The following PLA2G2C variants were observed in gnomAD, a reference collection of about 807,000 sequenced individuals.
The protein encoded by PLA2G2C is phospholipase A2 group IIC.
A neutral mutation model predicts 14.3 loss-of-function variants in PLA2G2C; 15 were observed. The ratio of observed to expected loss-of-function variants is 1.05; its 90% CI spans 0.70 to 1.62. The LOEUF (loss-of-function observed/expected upper bound fraction) is 1.62. PLA2G2C is among the 40% of genes most tolerant of loss of function. PLA2G2C has a pLI of 0.00. For missense variants in PLA2G2C, 162 were observed against 173.2 expected (o/e 0.94, Z 0.36); for synonymous variants, 79 against 67.7 (o/e 1.17, Z -0.82).
At chr1:20,184,437 C>A (rs1457435528) in intron 1 of PLA2G2C, 1 of 152,292 alleles carries the variant, frequency 6.6e-6, no homozygotes, top group Non-Finnish European at 1.5e-5. Flanking sequence ...CCATCTTTTA[C>A]ACATTCCGAG....
chr1:20,175,910 CTTT>C (rs1245322352), intron 2 of PLA2G2C, among the ~76,000 whole-genome samples: 6 of 139,856 alleles, frequency 4.3e-5, no homozygotes, highest in Non-Finnish European at 1.6e-5. Flanking sequence ...CCCTTTCCTT[CTTT>C]TTTTTTTTTT....
chr1:20,178,508 T>C (rs746201990), intron 1 of PLA2G2C, among the ~76,000 whole-genome samples: 16 of 152,226 alleles, frequency 1.1e-4, no homozygotes, highest in Non-Finnish European at 1.6e-4. Flanking sequence ...TTCTGGTGGA[T>C]GCTGCGAGGT....
At chr1:20,171,331 C>A (rs1006480357) in intron 4 of PLA2G2C, among the ~76,000 whole-genome samples, 1 of 152,186 alleles carries the variant, frequency 6.6e-6, no homozygotes, top group Non-Finnish European at 1.5e-5. Context: ...CTTGAGCTCA[C>A]GTGGGGAACA....
intron 3 of PLA2G2C, among the ~76,000 whole-genome samples, chr1:20,174,696 G>A (rs2018147769): frequency 1.3e-5 from 2 of 152,212 alleles, no homozygotes; most frequent in South Asian, 4.1e-4. Context: ...CAGCAGAGCA[G>A]TAAACCATGT....
intron 4 of PLA2G2C, among the ~76,000 whole-genome samples, chr1:20,167,909 T>C (rs2018004442): frequency 6.6e-6 from 1 of 152,266 alleles, no homozygotes; most frequent in Admixed American, 6.5e-5. Flanking sequence ...CCTGTCGCTT[T>C]GTCTGAGGTG....
intron 1 of PLA2G2C, among the ~76,000 whole-genome samples, chr1:20,185,855 A>G (rs1432410095): frequency 6.6e-6 from 1 of 152,144 alleles, no homozygotes. Context: ...TCTCCCCCAG[A>G]GAGAAACAGA....
At chr1:20,184,262 T>C (rs12141258) in intron 1 of PLA2G2C, 45,167 of 151,984 alleles carry the variant, frequency 0.3, 7,767 homozygotes, top group African/African-American at 0.47. Context: ...CAAAGGATTG[T>C]ATAATTCTTA....
chr1:20,184,142 T>G (rs2018321939), intron 1 of PLA2G2C: 1 of 151,988 alleles, frequency 6.6e-6, no homozygotes, highest in South Asian at 2.1e-4. Flanking sequence ...CTGCTGACAT[T>G]AAACAGACCG....
chr1:20,177,951 G>T (rs1399916057), intron 1 of PLA2G2C, among the ~76,000 whole-genome samples: 1 of 152,132 alleles, frequency 6.6e-6, no homozygotes, highest in Non-Finnish European at 1.5e-5. Flanking sequence ...GGGCTTCACA[G>T]GTATTACATG....
intron 2 of PLA2G2C, among the ~76,000 whole-genome samples, chr1:20,176,992 T>A (rs190833954): frequency 1.3e-5 from 2 of 152,286 alleles, no homozygotes; most frequent in East Asian, 3.9e-4. Flanking sequence ...TTGTTCTGAA[T>A]CCAAATGGCC....
chr1:20,171,448 C>T (rs896136855), intron 4 of PLA2G2C, among the ~76,000 whole-genome samples: 27 of 152,178 alleles, frequency 1.8e-4, no homozygotes, highest in Non-Finnish European at 3.7e-4. Context: ...CCAACCCACA[C>T]AGCTGGTGCC....
intron 4 of PLA2G2C, among the ~76,000 whole-genome samples, chr1:20,170,664 G>T (rs1365306679): frequency 6.6e-6 from 1 of 152,154 alleles, no homozygotes; most frequent in African/African-American, 2.4e-5. Context: ...GATGACAGGG[G>T]CTGGCCTGGT....
intron 4 of PLA2G2C, among the ~76,000 whole-genome samples, chr1:20,170,476 C>A (rs1315980568): frequency 6.6e-6 from 1 of 152,186 alleles, no homozygotes; most frequent in African/African-American, 2.4e-5. Flanking sequence ...TGCCCCTGGC[C>A]CCTGGCACAG....
At position 20,163,961 on chromosome 1, in the gene PLA2G2C, C is replaced by A; in HGVS notation, c.*30G>T. ...TGGAAGAGCAACACTAGAGCGGATG[C>A]TGGATGATGAGAGGGACCCTGTGGT... On this transcript the variant is annotated 3_prime_UTR_variant, in exon 5 of 5. Coordinates refer to ENST00000679259, the MANE Select transcript of PLA2G2C (RefSeq NM_001367969.2). The A allele has an allele frequency of 6.3e-7, 1 of 1,598,874 alleles. No individual in the cohort carries two copies. The highest frequency in any genetic ancestry group is 8.5e-7 in the Non-Finnish European group (1 of 1,172,366).
In PLA2G2C at chr1:20,177,339, G is replaced by C. The variant is rs755314439; in HGVS notation, c.25C>G (p.Leu9Val). 11 of 700,860 alleles carry C rather than the reference G, an allele frequency of 1.6e-5. No homozygotes were observed. Among genetic ancestry groups the C allele is most frequent in the South Asian group, 1.3e-4 (9 of 67,446 alleles). 43.4% of individuals were successfully genotyped at this position (700,860 alleles called of 1,614,324 possible). Residue 9 changes from leucine (L) to valine (V), a missense_variant, in exon 2 of 5, where the codon CTC (leucine) becomes GTC (valine). Transcript: ENST00000679259. MKVIAILT[L>V]LLFCSPTHSS... ...CTCTACTTACAGCAGAAGAGGAGGA[G>C]GGTGAGGATGGCAATGACCTTCATT...
At chr1:20,167,225 C>T (rs1326285302) in intron 4 of PLA2G2C, among the ~76,000 whole-genome samples, 2 of 152,152 alleles carry the variant, frequency 1.3e-5, no homozygotes, top group Non-Finnish European at 2.9e-5. Flanking sequence ...CCAACTTCTC[C>T]GCTGCAGCCC....
chr1:20,167,883 C>T (rs1268386095), intron 4 of PLA2G2C, among the ~76,000 whole-genome samples: 3 of 152,236 alleles, frequency 2.0e-5, no homozygotes, highest in Non-Finnish European at 4.4e-5. Flanking sequence ...GACCCCCAAA[C>T]GCTGTCATTT....
At chr1:20,177,649 G>T (rs999027596) in intron 1 of PLA2G2C, among the ~76,000 whole-genome samples, 10 of 147,208 alleles carry the variant, frequency 6.8e-5, no homozygotes, top group African/African-American at 1.7e-4. Flanking sequence ...TGTTGGTTTG[G>T]TTTTTTTTTT....
At chr1:20,179,304 G>A (rs574748679) in intron 1 of PLA2G2C, among the ~76,000 whole-genome samples, 23 of 149,750 alleles carry the variant, frequency 1.5e-4, no homozygotes, top group African/African-American at 4.4e-4. Flanking sequence ...GCGCGCGCAC[G>A]TGCGTGCTAG....
Sources: allele counts gnomAD v4.1 joint callset (sites outside exome capture counted in the v4.1 genomes callset), GRCh38; gene constraint gnomAD v4.1.1; transcripts MANE v1.5; gene names NCBI Gene and HGNC (gene_info 2026-07-23, HGNC 2026-07-21).